EYS: variants seen among roughly 807,000 people sequenced by gnomAD.
EYS encodes protein eyes shut homolog.
A neutral mutation model predicts 282.1 loss-of-function variants in EYS; 250 were observed. That is an observed-to-expected ratio of 0.89 (90% CI 0.80 to 0.98). EYS has a LOEUF of 0.98. EYS is among the 50% of genes least tolerant of loss of function. EYS has a pLI of 0.00. For synonymous variants in EYS, 1,355 were observed against 1,282.9 expected, an observed-to-expected ratio of 1.06 and a Z score of -1.20; for missense variants, 4,016 against 3,709.0, an observed-to-expected ratio of 1.08 and a Z score of -2.15.
intron 22 of EYS, among the ~76,000 whole-genome samples, chr6:64,711,806 G>A (rs893560021): frequency 1.3e-5 from 2 of 152,150 alleles, no homozygotes; most frequent in Non-Finnish European, 2.9e-5. Context: ...CTTCCCCGAA[G>A]TCAGGCCATC....
intron 12 of EYS, among the ~76,000 whole-genome samples, chr6:65,255,115 C>T (rs79366358): frequency 6.6e-6 from 1 of 151,894 alleles, no homozygotes; most frequent in South Asian, 2.1e-4. Flanking sequence ...ATCTCATTAC[C>T]TGACTTCAAA....
intron 22 of EYS, among the ~76,000 whole-genome samples, chr6:64,648,638 T>C (rs936769038): frequency 1.3e-5 from 2 of 151,960 alleles, no homozygotes; most frequent in African/African-American, 2.4e-5. Context: ...TAAACCAAAA[T>C]TGAGGCAAAA....
intron 2 of EYS, among the ~76,000 whole-genome samples, chr6:65,624,474 T>C (rs960793357): frequency 5.3e-5 from 8 of 152,124 alleles, no homozygotes; most frequent in Non-Finnish European, 8.8e-5. Flanking sequence ...AAAGATGCTG[T>C]GATGGTTAAT....
chr6:64,434,149 A>G (rs1774660728), intron 28 of EYS, among the ~76,000 whole-genome samples: 1 of 152,074 alleles, frequency 6.6e-6, no homozygotes, highest in Admixed American at 6.6e-5. Context: ...ATAGACACAT[A>G]CAAAGGGTAG....
chr6:63,955,108 G>A (rs1449712918), intron 35 of EYS, among the ~76,000 whole-genome samples: 1 of 152,024 alleles, frequency 6.6e-6, no homozygotes, highest in Non-Finnish European at 1.5e-5. Context: ...AATGAGTAGA[G>A]GCCTTTCCCA....
In EYS at chr6:65,572,814, T is replaced by G. The variant is rs539844746; in HGVS notation, c.-333+66964A>C. Among the ~76,000 whole-genome samples, 3 of 152,264 alleles carry G rather than the reference T, an allele frequency of 2.0e-5. No homozygotes were observed. In the South Asian group the frequency reaches 6.2e-4, roughly 32 times the overall value. On this transcript the variant is annotated intron_variant, in intron 2 of 42. Transcript: ENST00000503581. ...TATGTACTCCCCCATTAGTTTTATG[T>G]TTTATACAGGAACATCTATTTTAAA...
chr6:65,357,434 G>A (rs1764529953), intron 8 of EYS, among the ~76,000 whole-genome samples: 1 of 151,930 alleles, frequency 6.6e-6, no homozygotes, highest in Non-Finnish European at 1.5e-5. Flanking sequence ...TCTATTGAGT[G>A]AATAAACTAA....
intron 26 of EYS, among the ~76,000 whole-genome samples, chr6:64,518,718 A>G (rs1485455630): frequency 6.6e-6 from 1 of 151,026 alleles, no homozygotes; most frequent in Non-Finnish European, 1.5e-5. Flanking sequence ...TCATGTGAGC[A>G]GTTTCCCCCA....
intron 31 of EYS, among the ~76,000 whole-genome samples, chr6:64,117,329 C>CG (rs544115874): frequency 2.3e-5 from 1 of 43,236 alleles, no homozygotes; most frequent in African/African-American, 1.5e-4. Flanking sequence ...AGAGGAACAA[C>CG]CCCCCCCCCA....
chr6:64,361,268 GA>G (rs1043728214), intron 29 of EYS, among the ~76,000 whole-genome samples: 3 of 151,298 alleles, frequency 2.0e-5, no homozygotes, highest in Non-Finnish European at 4.4e-5. Flanking sequence ...GGATAGAAAT[GA>G]AAATAAAATT....
rs1424327748 is a variant in EYS at position 64,561,383 on chromosome 6, C to G, written c.5644+28840G>C. Among the ~76,000 whole-genome samples, 4 of 152,188 alleles carry G rather than the reference C, an allele frequency of 2.6e-5. 1 individual carries two copies. In the South Asian group the frequency reaches 6.2e-4, roughly 24 times the overall value. On this transcript the variant is annotated intron_variant, in intron 26 of 42. Transcript: ENST00000503581. Reference sequence around the variant, plus strand: ...CCAAATAGTAAAAGAGAAAGTCAAACTATCTCTGTTTGCAGACAACATGAT... The same window carrying G: ...CCAAATAGTAAAAGAGAAAGTCAAAGTATCTCTGTTTGCAGACAACATGAT...
chr6:64,901,490 C>T (rs1767662289), intron 18 of EYS, among the ~76,000 whole-genome samples: 1 of 151,384 alleles, frequency 6.6e-6, no homozygotes, highest in South Asian at 2.1e-4. Context: ...ACATTTATTC[C>T]CTGCTAATAA....
chr6:64,775,318 C>T (rs1773645626), intron 22 of EYS, among the ~76,000 whole-genome samples: 1 of 151,884 alleles, frequency 6.6e-6, no homozygotes, highest in South Asian at 2.1e-4. Flanking sequence ...CCCATAAAGG[C>T]TGTTCATATA....
chr6:63,736,472 C>G (rs1252702042), intron 41 of EYS, among the ~76,000 whole-genome samples: 1 of 152,048 alleles, frequency 6.6e-6, no homozygotes, highest in Admixed American at 6.6e-5. Flanking sequence ...CAGTACCATG[C>G]TGTTTTGGTT....
intron 14 of EYS, among the ~76,000 whole-genome samples, chr6:64,947,858 G>T (rs907768998): frequency 1.3e-5 from 2 of 151,566 alleles, no homozygotes; most frequent in East Asian, 1.9e-4. Context: ...ATGCCCATTC[G>T]TTATGTTCTG....
At chr6:65,466,062 G>A (rs1582332581) in intron 5 of EYS, among the ~76,000 whole-genome samples, 1 of 151,954 alleles carries the variant, frequency 6.6e-6, no homozygotes, top group Non-Finnish European at 1.5e-5. Flanking sequence ...ATGGGACAGA[G>A]AATTAGAAAA....
At chr6:65,610,572 A>T (rs145399102) in intron 2 of EYS, among the ~76,000 whole-genome samples, 2,815 of 152,200 alleles carry the variant, frequency 0.018, 33 homozygotes, top group Middle Eastern at 0.031. Context: ...ACAGGGGAAC[A>T]TCCTATATAT....
chr6:64,283,171 A>G (rs573892906), intron 30 of EYS, among the ~76,000 whole-genome samples: 2 of 152,248 alleles, frequency 1.3e-5, no homozygotes, highest in African/African-American at 4.8e-5. Flanking sequence ...TTTGCCTGAA[A>G]TATTCCCCCA....
chr6:64,102,991 A>G (rs1254301072), intron 31 of EYS, among the ~76,000 whole-genome samples: 1 of 152,196 alleles, frequency 6.6e-6, no homozygotes, highest in African/African-American at 2.4e-5. Context: ...AATTAAAAAA[A>G]TCCTTACTTA....
Sources: allele counts gnomAD v4.1 joint callset (sites outside exome capture counted in the v4.1 genomes callset), GRCh38; gene constraint gnomAD v4.1.1; transcripts MANE v1.5; gene names NCBI Gene and HGNC (gene_info 2026-07-23, HGNC 2026-07-21).